The following FRMD3 variants were observed in gnomAD, a reference collection of about 807,000 sequenced individuals.
The protein encoded by FRMD3 is FERM domain containing 3.
FRMD3 carries 33 observed loss-of-function variants against 70.2 expected under a neutral mutation model. The ratio of observed to expected loss-of-function variants is 0.47; its 90% CI spans 0.36 to 0.63. The LOEUF (loss-of-function observed/expected upper bound fraction) is 0.63, where lower values mean the gene tolerates loss of function less well. FRMD3 is among the 20% of genes least tolerant of loss of function. FRMD3 has a pLI of 0.00. For missense variants in FRMD3, 632 were observed against 711.4 expected (o/e 0.89, Z 1.27); for synonymous variants, 279 against 255.9 (o/e 1.09, Z -0.86).
chr9:83,384,263 G>A (rs1225867992), intron 2 of FRMD3, among the ~76,000 whole-genome samples: 1 of 152,122 alleles, frequency 6.6e-6, no homozygotes, highest in Non-Finnish European at 1.5e-5. Context: ...TTTTCTTCAG[G>A]GCAGGGCTGC....
At chr9:83,338,721 A>G (rs1823659468) in intron 5 of FRMD3, among the ~76,000 whole-genome samples, 1 of 152,214 alleles carries the variant, frequency 6.6e-6, no homozygotes, top group Non-Finnish European at 1.5e-5. Context: ...TACAAAGACA[A>G]AGATATGTAT....
rs1004082653 is a variant in FRMD3 at position 83,248,375 on chromosome 9, A to G, written c.1337T>C (p.Val446Ala). Residue 446 changes from valine to alanine, a missense_variant, in exon 14 of 14, where the codon GTG (valine) becomes GCG (alanine). By Grantham distance (64) the Val-to-Ala change is moderately conservative (BLOSUM62 0). Coordinates refer to ENST00000304195, the MANE Select transcript of FRMD3 (RefSeq NM_174938.6). ...KEEPLTISEL[V>A]YNPSASLLPT... is the part of the protein sequence containing the mutation. ...GAGCAGGCTGGCACTTGGGTTGTAC[A>G]CTAGTTCAGAGATGGTTAAAGGTTC... The G allele has an allele frequency of 3.1e-6, 5 of 1,614,122 alleles. No individual in the cohort carries two copies. The highest frequency in any genetic ancestry group is 2.2e-5 in the South Asian group (2 of 91,076).
At chr9:83,438,600 A>G (rs559657745) in intron 1 of FRMD3, among the ~76,000 whole-genome samples, 239 of 152,218 alleles carry the variant, frequency 1.6e-3, no homozygotes, top group Middle Eastern at 3.4e-3. Flanking sequence ...GGGTTTCACC[A>G]TATTGGCCAG....
chr9:83,302,119 T>C (rs1834951627), intron 10 of FRMD3, among the ~76,000 whole-genome samples: 1 of 151,930 alleles, frequency 6.6e-6, no homozygotes. Flanking sequence ...GGGAGGGGAA[T>C]GGAGAGAGGA....
chr9:83,425,717 C>T (rs570076322), intron 1 of FRMD3, among the ~76,000 whole-genome samples: 4 of 140,096 alleles, frequency 2.9e-5, no homozygotes, highest in African/African-American at 8.6e-5. Flanking sequence ...ACCAGCCTGG[C>T]CAACATGATG....
intron 1 of FRMD3, among the ~76,000 whole-genome samples, chr9:83,389,958 T>A (rs1488118572): frequency 6.6e-6 from 1 of 152,028 alleles, no homozygotes; most frequent in South Asian, 2.1e-4. Context: ...AAAAGAGCAG[T>A]CAAAATAATC....
intron 2 of FRMD3, among the ~76,000 whole-genome samples, chr9:83,376,475 T>A (rs1825149040): frequency 1.3e-5 from 2 of 152,200 alleles, no homozygotes; most frequent in African/African-American, 4.8e-5. Flanking sequence ...AAATTTATCA[T>A]TATACCTGCA....
chr9:83,362,979 C>T (rs1366976851), intron 3 of FRMD3, among the ~76,000 whole-genome samples: 1 of 149,666 alleles, frequency 6.7e-6, no homozygotes, highest in Non-Finnish European at 1.5e-5. Context: ...TTCCTCCCTC[C>T]TTCCTTCCTT....
chr9:83,281,030 C>G (rs1237191274), intron 13 of FRMD3, among the ~76,000 whole-genome samples: 2 of 152,120 alleles, frequency 1.3e-5, no homozygotes, highest in Non-Finnish European at 2.9e-5. Flanking sequence ...ATAAAGAGCC[C>G]ACCTAAAAGA....
In FRMD3 at chr9:83,295,920, G is replaced by C. The variant is rs12336900; in HGVS notation, c.1070+2828C>G. Among the ~76,000 whole-genome samples the C allele has an allele frequency of 3.2e-3, 485 of 152,272 alleles. 1 individual carries two copies. Among genetic ancestry groups the C allele is most frequent in the African/African-American group, 0.011 (465 of 41,556 alleles). ...AGAGTTAGCTTCTGCTCCTCTTTTT[G>C]AAGAAGAAAAATTCCAAGAAAGTGT... On this transcript the variant is annotated intron_variant, in intron 12 of 13. Transcript: ENST00000304195.
chr9:83,354,376 T>C (rs978625040), intron 3 of FRMD3, among the ~76,000 whole-genome samples: 2 of 152,132 alleles, frequency 1.3e-5, no homozygotes, highest in Admixed American at 1.3e-4. Flanking sequence ...CTGGAAGCCA[T>C]TATCCTAGGC....
At chr9:83,572,540 A>C in the FRMD3 span, among the ~76,000 whole-genome samples, 10 of 152,358 alleles carry the variant, frequency 6.6e-5, no homozygotes, top group African/African-American at 2.4e-4. Context: ...AGGCAGCGTC[A>C]GAGTTTGGAG....
intron 1 of FRMD3, among the ~76,000 whole-genome samples, chr9:83,457,340 AAAGATGAAGAAAGG>A (rs1231096347): frequency 1.3e-5 from 2 of 152,192 alleles, no homozygotes; most frequent in African/African-American, 4.8e-5. Context: ...AACTGGTGAA[AAAGATGAAGAAAGG>A]AAGATGAAGG....
At chr9:83,498,955 T>C (rs949953594) in intron 1 of FRMD3, among the ~76,000 whole-genome samples, 1 of 152,168 alleles carries the variant, frequency 6.6e-6, no homozygotes, top group African/African-American at 2.4e-5. Context: ...CTTCAGGCTT[T>C]CGAGATGAGG....
At chr9:83,534,806 A>T (rs1829858269) in intron 1 of FRMD3, among the ~76,000 whole-genome samples, 1 of 152,218 alleles carries the variant, frequency 6.6e-6, no homozygotes, top group Non-Finnish European at 1.5e-5. Context: ...GATTCCAATC[A>T]GCTCTGAGAT....
chr9:83,411,833 A>C (rs1004964960), intron 1 of FRMD3, among the ~76,000 whole-genome samples: 1 of 152,242 alleles, frequency 6.6e-6, no homozygotes, highest in Non-Finnish European at 1.5e-5. Flanking sequence ...AGAAAGTCCC[A>C]GTGAGCCAAA....
chr9:83,481,657 G>A (rs1421457494), intron 1 of FRMD3, among the ~76,000 whole-genome samples: 3 of 152,076 alleles, frequency 2.0e-5, no homozygotes, highest in Admixed American at 2.0e-4. Context: ...ACTTTAATTT[G>A]CCCAAAATCT....
chr9:83,346,518 T>C (rs1223492646), intron 4 of FRMD3, among the ~76,000 whole-genome samples: 1 of 152,148 alleles, frequency 6.6e-6, no homozygotes, highest in South Asian at 2.1e-4. Flanking sequence ...AGAAAACAGA[T>C]AAGTGGTTGC....
chr9:83,385,831 T>C (rs1019628637), intron 2 of FRMD3, among the ~76,000 whole-genome samples: 1 of 152,158 alleles, frequency 6.6e-6, no homozygotes, highest in Admixed American at 6.5e-5. Context: ...TTTCTAATTA[T>C]CCAAGGCCCA....
Sources: allele counts gnomAD v4.1 joint callset (sites outside exome capture counted in the v4.1 genomes callset), GRCh38; gene constraint gnomAD v4.1.1; transcripts MANE v1.5; gene names NCBI Gene and HGNC (gene_info 2026-07-23, HGNC 2026-07-21).